The following OR51B5 variants were observed in gnomAD, a reference collection of about 807,000 sequenced individuals.
OR51B5 encodes olfactory receptor 51B5.
For missense variants in OR51B5, 456 were observed against 374.6 expected, an observed-to-expected ratio of 1.22 and a Z score of -1.79; for synonymous variants, 186 against 144.8, an observed-to-expected ratio of 1.28 and a Z score of -2.04.
chr11:5,367,102 A>C (rs1415024860), intron 1 of OR51B5, among the ~76,000 whole-genome samples: 3 of 152,226 alleles, frequency 2.0e-5, no homozygotes, highest in Non-Finnish European at 4.4e-5. Flanking sequence ...GAAGGAAGAG[A>C]AGCTCTGCCA....
At chr11:5,460,178 G>A (rs1452067360) in intron 1 of OR51B5, among the ~76,000 whole-genome samples, 2 of 152,158 alleles carry the variant, frequency 1.3e-5, no homozygotes, top group Non-Finnish European at 2.9e-5. Context: ...CTATAAGTGG[G>A]AGCTAAATGA....
intron 1 of OR51B5, among the ~76,000 whole-genome samples, chr11:5,477,419 G>C (rs72881227): frequency 0.24 from 36,032 of 152,106 alleles, 5,204 homozygotes; most frequent in Non-Finnish European, 0.32. Flanking sequence ...GTTCATTCCT[G>C]GGAGCATTCC....
At chr11:5,422,110 T>C in intron 1 of OR51B5, 1 of 1,014,286 alleles carries the variant, frequency 9.9e-7, no homozygotes, top group Non-Finnish European at 1.5e-6. Flanking sequence ...TTGTGTAGAA[T>C]TTGGATTAAA....
At chr11:5,367,912 G>C (rs1849395712) in intron 1 of OR51B5, among the ~76,000 whole-genome samples, 1 of 151,912 alleles carries the variant, frequency 6.6e-6, no homozygotes, top group Non-Finnish European at 1.5e-5. Context: ...CTTAAATCTT[G>C]ACCAAGGCTA....
At chr11:5,464,654 T>G (rs985449566) in intron 1 of OR51B5, among the ~76,000 whole-genome samples, 3 of 152,106 alleles carry the variant, frequency 2.0e-5, no homozygotes, top group Non-Finnish European at 4.4e-5. Context: ...CCATGGTGTA[T>G]ATGTGCCACA....
chr11:5,403,363 C>G (rs1850003413), intron 1 of OR51B5: 1 of 471,428 alleles, frequency 2.1e-6, no homozygotes, highest in African/African-American at 2.0e-5. Flanking sequence ...TACTATGTGC[C>G]TATGATTGGC....
intron 1 of OR51B5, among the ~76,000 whole-genome samples, chr11:5,397,068 G>C (rs538882182): frequency 1.3e-5 from 2 of 152,262 alleles, no homozygotes; most frequent in African/African-American, 4.8e-5. Flanking sequence ...ATGGATTAAA[G>C]ACTTAAATGT....
chr11:5,423,871 CTTCT>C (rs560120724), intron 1 of OR51B5, among the ~76,000 whole-genome samples: 118 of 152,284 alleles, frequency 7.7e-4, no homozygotes, highest in Non-Finnish European at 1.3e-3. Context: ...AGAATTCAAA[CTTCT>C]TTCTTGTGGG....
At chr11:5,410,265 G>A (rs1392823562) in intron 1 of OR51B5, among the ~76,000 whole-genome samples, 1 of 152,058 alleles carries the variant, frequency 6.6e-6, no homozygotes, top group Non-Finnish European at 1.5e-5. Context: ...TTGTATTGGG[G>A]TTTAAACATT....
chr11:5,497,703 G>A (rs950798285), intron 1 of OR51B5, among the ~76,000 whole-genome samples: 13 of 152,144 alleles, frequency 8.5e-5, no homozygotes, highest in African/African-American at 3.1e-4. Context: ...AGAACATAAA[G>A]ACAACTACAG....
chr11:5,391,392 G>A (rs895685253), intron 1 of OR51B5: 2 of 152,204 alleles, frequency 1.3e-5, no homozygotes, highest in African/African-American at 4.8e-5. Flanking sequence ...GTAATGTCCT[G>A]TTTATGAAGG....
intron 1 of OR51B5, among the ~76,000 whole-genome samples, chr11:5,434,588 A>G (rs1850569008): frequency 6.6e-6 from 1 of 152,156 alleles, no homozygotes; most frequent in Non-Finnish European, 1.5e-5. Flanking sequence ...GGTCCCTGGT[A>G]AAGCATCATC....
At chr11:5,391,067 A>G (rs2879737) in intron 1 of OR51B5, 119,817 of 151,960 alleles carry the variant, frequency 0.79, 47,611 homozygotes, top group Middle Eastern at 0.84. Context: ...TACAGTCAGT[A>G]TTTACTTGTA....
chr11:5,459,745 G>A (rs1851018726), intron 1 of OR51B5, among the ~76,000 whole-genome samples: 1 of 152,168 alleles, frequency 6.6e-6, no homozygotes. Context: ...TGCTGGCGAG[G>A]TTGTGGAGAA....
At chr11:5,376,466 G>A (rs971417353) in intron 1 of OR51B5, among the ~76,000 whole-genome samples, 1 of 152,064 alleles carries the variant, frequency 6.6e-6, no homozygotes, top group African/African-American at 2.4e-5. Context: ...TAAAATCAGA[G>A]CAGAACTGAA....
At chr11:5,475,263 C>T (rs1295315608) in intron 1 of OR51B5, among the ~76,000 whole-genome samples, 1 of 152,130 alleles carries the variant, frequency 6.6e-6, no homozygotes, top group Non-Finnish European at 1.5e-5. Flanking sequence ...TCCGAACACT[C>T]ATATTGCCTG....
At chr11:5,390,043 AG>A in intron 1 of OR51B5, 1 of 1,613,668 alleles carries the variant, frequency 6.2e-7, no homozygotes, top group South Asian at 1.1e-5. Flanking sequence ...TGATGGTGGT[AG>A]TTTTCACTGT....
At chr11:5,423,216 C>G (rs1348566961) in intron 1 of OR51B5, 24 of 1,447,560 alleles carry the variant, frequency 1.7e-5, no homozygotes, top group Non-Finnish European at 1.9e-5. Flanking sequence ...GGAATATATT[C>G]AGAATTAGGA....
intron 1 of OR51B5, chr11:5,468,694 T>C: frequency 8.8e-6 from 4 of 456,550 alleles, no homozygotes; most frequent in South Asian, 6.2e-5. Flanking sequence ...GTGACACACA[T>C]GTGTTGAGTG....
Sources: allele counts gnomAD v4.1 joint callset (sites outside exome capture counted in the v4.1 genomes callset), GRCh38; gene constraint gnomAD v4.1.1; transcripts MANE v1.5; gene names NCBI Gene and HGNC (gene_info 2026-07-23, HGNC 2026-07-21).